Variants in CLNS1A observed in about 807,000 individuals in gnomAD.
The protein encoded by CLNS1A is chloride nucleotide-sensitive channel 1A, also known as methylosome subunit pICln.
Under a neutral mutation model 29.4 loss-of-function variants are expected in CLNS1A, and 16 were observed. The observed-to-expected ratio is 0.54, with a 90% CI of 0.37 to 0.83. The LOEUF is 0.83. Among genes scored for constraint, CLNS1A ranks in the 40% least tolerant of loss-of-function variants. The pLI, the probability that CLNS1A is intolerant of heterozygous loss-of-function variation, is 0.00. For synonymous variants in CLNS1A, 96 were observed against 104.8 expected (o/e 0.92, Z 0.51); for missense variants, 235 against 287.4 (o/e 0.82, Z 1.32).
intron 5 of CLNS1A, chr11:77,621,978 GC>G: frequency 2.2e-6 from 1 of 456,224 alleles, no homozygotes. Context: ...TTTTGGACTT[GC>G]CAGCCTTCAG....
At chr11:77,627,790 T>C (rs868372868) in intron 2 of CLNS1A, among the ~76,000 whole-genome samples, 1 of 152,196 alleles carries the variant, frequency 6.6e-6, no homozygotes, top group South Asian at 2.1e-4. Flanking sequence ...CTCAGAGAAA[T>C]GCAAATGACT....
intron 4 of CLNS1A, 88 bp downstream of exon 4, chr11:77,624,875 C>T: frequency 2.5e-6 from 2 of 785,568 alleles, no homozygotes; most frequent in Middle Eastern, 3.1e-4. Context: ...ATATAAAGAA[C>T]TATAATCCTC....
At chr11:77,622,705 A>G (rs752906223) in intron 4 of CLNS1A, 32 bp from the exon 5 acceptor site, 2 of 1,504,302 alleles carry the variant, frequency 1.3e-6, no homozygotes, top group South Asian at 2.6e-5. Context: ...AAGTTTAAAT[A>G]CAACAATTAG....
chr11:77,625,223 A>C lies in CLNS1A; in HGVS notation c.365-153T>G. ...TTGAAAGCGGTTGAAGCAAAAGACA[A>C]GTCATAAAATAATAAGAGTTCATTA... On this transcript the variant is annotated intron_variant, in intron 3 of 6. Transcript: ENST00000525428. 6.5e-6 allele frequency: 4 copies of C among 611,052 alleles called. No homozygotes were observed. In the South Asian group the frequency reaches 8.3e-5, roughly 13 times the overall value. 37.9% of individuals were successfully genotyped at this position (611,052 alleles called of 1,614,324 possible). A position where few individuals can be genotyped will look rare whatever the true frequency, so the allele number is the denominator to read the frequency against.
At chr11:77,620,605 C>T (rs1958947272) in intron 5 of CLNS1A, among the ~76,000 whole-genome samples, 3 of 152,194 alleles carry the variant, frequency 2.0e-5, no homozygotes, top group South Asian at 2.1e-4. Flanking sequence ...TTGAGACCAG[C>T]CTGGCCAACA....
intron 5 of CLNS1A, among the ~76,000 whole-genome samples, chr11:77,621,446 T>C (rs932330982): frequency 2.6e-5 from 4 of 152,240 alleles, no homozygotes; most frequent in Non-Finnish European, 4.4e-5. Flanking sequence ...TGCCTGTGCA[T>C]ACTTTAAGCC....
intron 1 of CLNS1A, among the ~76,000 whole-genome samples, chr11:77,632,929 A>G (rs1012533627): frequency 6.6e-6 from 1 of 151,930 alleles, no homozygotes; most frequent in Non-Finnish European, 1.5e-5. Context: ...TCTATTAAAA[A>G]TACGAAAATT....
chr11:77,625,109 T>G (rs1007010953), intron 3 of CLNS1A, 39 bp from the exon 4 acceptor site: 2 of 1,412,278 alleles, frequency 1.4e-6, no homozygotes, highest in Admixed American at 1.8e-5. Context: ...TCTTTTTTTG[T>G]AATAAAAGTA....
At chr11:77,626,041 C>T (rs968016928) in intron 2 of CLNS1A, among the ~76,000 whole-genome samples, 2 of 151,994 alleles carry the variant, frequency 1.3e-5, no homozygotes, top group Non-Finnish European at 2.9e-5. Context: ...CAAAGTGCTC[C>T]CTCCGCGCCT....
chr11:77,625,523 T>C, intron 3 of CLNS1A, 194 bp downstream of exon 3: 1 of 547,210 alleles, frequency 1.8e-6, no homozygotes, highest in Middle Eastern at 4.8e-4. Context: ...ATATTCTCAC[T>C]ACATTCACAA....
Position 77,632,368 on chromosome 11 carries a change from G to A in CLNS1A, c.126-2469C>T, listed in dbSNP as rs549507906. On this transcript the variant is annotated intron_variant, in intron 1 of 6. Transcript: ENST00000525428. ...TCAAATATCCAGAGCCATAAAACTT[G>A]AATGACTCAATGACGACATGGAAAA... is the stretch of plus-strand genomic sequence containing the variant. Among the ~76,000 whole-genome samples the A allele has an allele frequency of 4.6e-5, 7 of 152,290 alleles. No individual in the cohort carries two copies. In the South Asian group the frequency reaches 1.5e-3, roughly 32 times the overall value.
At chr11:77,627,171 C>T (rs1289847888) in intron 2 of CLNS1A, among the ~76,000 whole-genome samples, 7 of 151,560 alleles carry the variant, frequency 4.6e-5, no homozygotes, top group South Asian at 2.1e-4. Context: ...AGGTGGCTAA[C>T]GCCTGTAATC....
At chr11:77,634,384 A>ATG (rs1028061081) in intron 1 of CLNS1A, among the ~76,000 whole-genome samples, 1 of 152,164 alleles carries the variant, frequency 6.6e-6, no homozygotes, top group African/African-American at 2.4e-5. Context: ...TGTACACAGT[A>ATG]TGTGTGTGTA....
intron 1 of CLNS1A, among the ~76,000 whole-genome samples, chr11:77,632,535 A>C (rs1444316981): frequency 1.3e-5 from 2 of 152,196 alleles, no homozygotes; most frequent in East Asian, 1.9e-4. Flanking sequence ...GAACTCTCAT[A>C]ATCTTTTACA....
intron 2 of CLNS1A, among the ~76,000 whole-genome samples, chr11:77,627,076 A>T (rs750903807): frequency 6.6e-6 from 1 of 151,932 alleles, no homozygotes; most frequent in African/African-American, 2.4e-5. Flanking sequence ...ATCAGAATGC[A>T]AGGAACAAAG....
At chr11:77,628,048 T>G (rs1037661111) in intron 2 of CLNS1A, among the ~76,000 whole-genome samples, 2 of 152,162 alleles carry the variant, frequency 1.3e-5, no homozygotes, top group South Asian at 4.1e-4. Context: ...ATGGTCTCGA[T>G]CTCTTGACCT....
chr11:77,620,118 G>T (rs1194124393), intron 5 of CLNS1A, among the ~76,000 whole-genome samples: 1 of 151,972 alleles, frequency 6.6e-6, no homozygotes, highest in Non-Finnish European at 1.5e-5. Flanking sequence ...GGTGGGGAGG[G>T]AACAAGAGAA....
intron 6 of CLNS1A, chr11:77,618,704 CA>C (rs1958927877): frequency 1.3e-5 from 2 of 152,066 alleles, no homozygotes; most frequent in African/African-American, 4.8e-5. Context: ...TGAAATAGAA[CA>C]GGGGTAAAGG....
intron 2 of CLNS1A, among the ~76,000 whole-genome samples, chr11:77,628,281 A>G (rs1959041458): frequency 6.6e-6 from 1 of 152,240 alleles, no homozygotes; most frequent in African/African-American, 2.4e-5. Context: ...TTGACTGACA[A>G]GAGCAAGGTT....
Sources: gnomAD v4.1 joint callset for allele counts (sites outside exome capture counted in the v4.1 genomes callset) on GRCh38, gnomAD v4.1.1 for gene constraint, MANE v1.5 for transcripts, NCBI Gene and HGNC (gene_info 2026-07-23, HGNC 2026-07-21) for gene names.